SLC5A10: variants seen among roughly 807,000 people sequenced by gnomAD.
SLC5A10 encodes sodium/mannose cotransporter SLC5A10.
Under a neutral mutation model 68.9 loss-of-function variants are expected in SLC5A10, and 55 were observed. That is an observed-to-expected ratio of 0.80 (90% confidence interval 0.64 to 1.00). The LOEUF (loss-of-function observed/expected upper bound fraction) is 1.00. Among genes scored for constraint, SLC5A10 ranks in the 50% least tolerant of loss-of-function variants. The pLI is 0.00. For synonymous variants in SLC5A10, 344 were observed against 344.8 expected (o/e 1.00, Z 0.02); for missense variants, 732 against 819.3 (o/e 0.89, Z 1.30).
At chr17:18,984,205 G>A (rs949586974) in intron 9 of SLC5A10, among the ~76,000 whole-genome samples, 9 of 152,066 alleles carry the variant, frequency 5.9e-5, no homozygotes, top group Non-Finnish European at 1.3e-4. Context: ...AGCCGGGCGT[G>A]GTGGCGGGCC....
Position 19,022,466 on chromosome 17 carries a change from T to G in SLC5A10, c.*2035T>G. Reference sequence around the variant, plus strand: ...ATTTTGGTTAGGTCCCTGCTTCTCTTGGGATCTTATTTACCCGACTCTGCA... The same window carrying G: ...ATTTTGGTTAGGTCCCTGCTTCTCTGGGGATCTTATTTACCCGACTCTGCA... On this transcript the variant is annotated 3_prime_UTR_variant, in exon 15 of 15. Transcript: ENST00000395645. 1 of 298,728 alleles carries G rather than the reference T, an allele frequency of 3.3e-6. No individual in the cohort carries two copies. Among genetic ancestry groups the G allele is most frequent in the South Asian group, 1.6e-4 (1 of 6,226 alleles). 18.5% of individuals were successfully genotyped at this position (298,728 alleles called of 1,614,324 possible). A position where few individuals can be genotyped will look rare whatever the true frequency, so the allele number is the denominator to read the frequency against.
rs1567791186 is a variant in SLC5A10, at chr17:18,978,595, G to A, written c.982+1606G>A. The A allele has an allele frequency of 3.1e-6, 5 of 1,613,172 alleles. No homozygotes were observed. In the South Asian group the frequency reaches 3.3e-5, roughly 11 times the overall value. On this transcript the variant is annotated intron_variant, in intron 9 of 14. Coordinates refer to ENST00000395645, the MANE Select transcript of SLC5A10 (RefSeq NM_001042450.4). ...CAGAGGAGATCTTGGCAATCTCGTC[G>A]ACGCTCTTGGCCTTGACAAGTGCGT...
chr17:19,001,905 G>T (rs1474702923), intron 9 of SLC5A10, among the ~76,000 whole-genome samples: 2 of 152,164 alleles, frequency 1.3e-5, no homozygotes, highest in African/African-American at 2.4e-5. Flanking sequence ...GGCACAGCAG[G>T]TCCCCCTACC....
Position 19,017,553 on chromosome 17 carries a change from A to C in SLC5A10, c.1242-1870A>C, listed in dbSNP as rs1597917033. 5.9e-6 allele frequency: 4 copies of C among 674,278 alleles called. No individual in the cohort carries two copies. The highest frequency in any genetic ancestry group is 5.7e-5 in the South Asian group (3 of 52,906). The allele number at this position is 674,278 out of a possible 1,614,324, so 41.8% of individuals were successfully genotyped here. A position where few individuals can be genotyped will look rare whatever the true frequency, so the allele number is the denominator to read the frequency against. ...CTCTGTCCAGCTGAGCAGAGGCTGGAGGAGCCGTCACAGGCTGGGGGAGAG... is the reference window on the plus strand; with the variant it reads ...CTCTGTCCAGCTGAGCAGAGGCTGGCGGAGCCGTCACAGGCTGGGGGAGAG... On this transcript the variant is annotated intron_variant, in intron 11 of 14. Transcript: ENST00000395645. The surrounding 1 kb of genome is among the most constrained non-coding windows in gnomAD (Gnocchi z 5.6).
At chr17:18,953,335 TG>T (rs1183500924) in intron 1 of SLC5A10, among the ~76,000 whole-genome samples, 1 of 152,054 alleles carries the variant, frequency 6.6e-6, no homozygotes, top group Non-Finnish European at 1.5e-5. Flanking sequence ...AGTTTTACCG[TG>T]TTGGCCAGGC....
At chr17:19,005,305 C>G (rs902850451) in intron 9 of SLC5A10, among the ~76,000 whole-genome samples, 4 of 152,204 alleles carry the variant, frequency 2.6e-5, no homozygotes, top group African/African-American at 4.8e-5. Context: ...GCGGGCAGCA[C>G]CCGACCTGAA....
At position 19,003,184 on chromosome 17, in the gene SLC5A10, G is replaced by A. The variant is rs1035558902; in HGVS notation, c.983-10226G>A. Among the ~76,000 whole-genome samples the A allele has an allele frequency of 6.6e-6, 1 of 150,712 alleles. No homozygotes were observed. The highest frequency in any genetic ancestry group is 2.4e-5 in the African/African-American group (1 of 40,904). On this transcript the variant is annotated intron_variant, in intron 9 of 14. Coordinates refer to ENST00000395645, the MANE Select transcript of SLC5A10 (RefSeq NM_001042450.4). This position sits in a 1 kb window ranked among gnomAD's most constrained non-coding sequence, Gnocchi z 4.5. ...TGAATCAGAGCCACTCTAAGGGAGA[G>A]TGAGAGGAAGCCCTGGGGTTCCTCC...
intron 8 of SLC5A10, among the ~76,000 whole-genome samples, chr17:18,973,283 A>C (rs17842752): frequency 0.08 from 12,240 of 152,316 alleles, 727 homozygotes; most frequent in South Asian, 0.3. Context: ...CATCAAGGCC[A>C]AACGAATCTG....
At position 19,017,586 on chromosome 17, in the gene SLC5A10, C is replaced by G. The variant is rs1481971515; in HGVS notation, c.1242-1837C>G. On this transcript the variant is annotated intron_variant, in intron 11 of 14. Transcript: ENST00000395645. The surrounding 1 kb of genome is among the most constrained non-coding windows in gnomAD (Gnocchi z 5.6). ...TCACAGGCTGGGGGAGAGCGATGAC[C>G]CGCCCCCACTCCCGTATGCCTGCCC... 1.7e-6 allele frequency: 1 copy of G among 578,320 alleles called. No individual in the cohort carries two copies. The highest frequency in any genetic ancestry group is 3.0e-5 in the East Asian group (1 of 33,574). The allele number at this position is 578,320 out of a possible 1,614,324, so 35.8% of individuals were successfully genotyped here. A position where few individuals can be genotyped will look rare whatever the true frequency, so the allele number is the denominator to read the frequency against.
intron 9 of SLC5A10, among the ~76,000 whole-genome samples, chr17:18,982,362 G>A (rs1332238464): frequency 1.3e-5 from 2 of 152,242 alleles, no homozygotes; most frequent in African/African-American, 4.8e-5. Flanking sequence ...GGCCTGGCCT[G>A]GATGAGGTAA....
intron 9 of SLC5A10, chr17:18,988,483 GC>G: frequency 1.3e-6 from 2 of 1,583,878 alleles, no homozygotes; most frequent in Admixed American, 3.4e-5. Flanking sequence ...CCCTGGCAGA[GC>G]GCACAGCCCT....
chr17:19,020,628 T>C lies in SLC5A10; in HGVS notation c.*197T>C. ...GAAATGGGAGAAAATAATGTGACAT[T>C]TCAAAAACAGCACCAAAGCAGTCAG... On this transcript the variant is annotated 3_prime_UTR_variant, in exon 15 of 15. Transcript: ENST00000395645. 1.7e-6 allele frequency: 1 copy of C among 588,242 alleles called. No individual in the cohort carries two copies. Among genetic ancestry groups the C allele is most frequent in the Non-Finnish European group, 3.0e-6 (1 of 329,882 alleles). 36.4% of individuals were successfully genotyped at this position (588,242 alleles called of 1,614,324 possible). A position where few individuals can be genotyped will look rare whatever the true frequency, so the allele number is the denominator to read the frequency against.
At position 19,003,762 on chromosome 17, in the gene SLC5A10, C is replaced by T; in HGVS notation, c.983-9648C>T. 2 of 1,609,072 alleles carry T rather than the reference C, an allele frequency of 1.2e-6. No individual in the cohort carries two copies. Among genetic ancestry groups the T allele is most frequent in the South Asian group, 2.2e-5 (2 of 90,918 alleles). ...CTGGCTTCCTCGCCGTCGCCGACCC[C>T]ATTGTCCTCGGGCCCCTGAGAGGGG... On this transcript the variant is annotated intron_variant, in intron 9 of 14. Transcript: ENST00000395645. The surrounding 1 kb of genome is among the most constrained non-coding windows in gnomAD (Gnocchi z 4.5).
chr17:18,966,590 C>T (rs1416752611), intron 5 of SLC5A10, among the ~76,000 whole-genome samples: 1 of 151,902 alleles, frequency 6.6e-6, no homozygotes, highest in Non-Finnish European at 1.5e-5. Flanking sequence ...ATGGTGAAAC[C>T]ATGTACAAAA....
chr17:18,982,060 C>T (rs938665830), intron 9 of SLC5A10, among the ~76,000 whole-genome samples: 1 of 152,234 alleles, frequency 6.6e-6, no homozygotes, highest in Non-Finnish European at 1.5e-5. Flanking sequence ...CCCCACCCAT[C>T]CCAAACCTTG....
At chr17:19,007,933 G>A (rs1456762174) in intron 9 of SLC5A10, among the ~76,000 whole-genome samples, 1 of 152,292 alleles carries the variant, frequency 6.6e-6, no homozygotes, top group South Asian at 2.1e-4. Context: ...ACAAAGACTG[G>A]GTGGTCTTTG....
chr17:18,951,201 C>A (rs1466776605), upstream of SLC5A10, among the ~76,000 whole-genome samples: 1 of 152,260 alleles, frequency 6.6e-6, no homozygotes, highest in African/African-American at 2.4e-5. Context: ...AGGCGTGAGA[C>A]TGCCGGCCAG....
chr17:18,953,077 G>A (rs2042405931), intron 1 of SLC5A10, among the ~76,000 whole-genome samples: 1 of 151,496 alleles, frequency 6.6e-6, no homozygotes, highest in Non-Finnish European at 1.5e-5. Flanking sequence ...GAGGTCCCCA[G>A]CCTGGCATCC....
intron 1 of SLC5A10, 145 bp from the exon 2 acceptor site, chr17:18,958,537 T>C: frequency 1.6e-6 from 1 of 619,060 alleles, no homozygotes; most frequent in East Asian, 2.8e-5. Flanking sequence ...TTCAATTCTT[T>C]TGGACATATA....
Sources: allele counts gnomAD v4.1 joint callset (sites outside exome capture counted in the v4.1 genomes callset), GRCh38; gene constraint gnomAD v4.1.1; non-coding constraint Gnocchi (gnomAD v3.1); transcripts MANE v1.5; gene names NCBI Gene and HGNC (gene_info 2026-07-23, HGNC 2026-07-21).